Variants in CCNJL observed in about 807,000 individuals in gnomAD.
The protein encoded by CCNJL is cyclin J like, also known as cyclin-J-like protein.
CCNJL carries 33 observed loss-of-function variants against 33.4 expected under a neutral mutation model. The observed-to-expected ratio is 0.99, with a 90% confidence interval of 0.75 to 1.32. The LOEUF (loss-of-function observed/expected upper bound fraction) is 1.32, where lower values mean the gene tolerates loss of function less well. Ranked by LOEUF, CCNJL falls within the 40% of genes most tolerant of loss-of-function variation. The pLI is 0.00. For missense variants in CCNJL, 512 were observed against 499.7 expected (o/e 1.02, Z -0.23); for synonymous variants, 227 against 220.9 (o/e 1.03, Z -0.24).
chr5:160,272,242 C>T (rs1270030891), intron 3 of CCNJL, among the ~76,000 whole-genome samples: 1 of 152,222 alleles, frequency 6.6e-6, no homozygotes, highest in East Asian at 1.9e-4. Context: ...AAAGAAGCTG[C>T]TTTTCAGAAG....
intron 3 of CCNJL, among the ~76,000 whole-genome samples, chr5:160,275,620 G>T (rs947416075): frequency 6.6e-6 from 1 of 152,108 alleles, no homozygotes; most frequent in African/African-American, 2.4e-5. Context: ...AAGTAGCGGG[G>T]ACTACAAGCA....
intron 1 of CCNJL, among the ~76,000 whole-genome samples, chr5:160,331,399 T>C (rs1237341546): frequency 6.6e-6 from 1 of 151,938 alleles, no homozygotes; most frequent in Non-Finnish European, 1.5e-5. Flanking sequence ...AATTTTTTTG[T>C]ATTTTTAGTA....
rs566306423 is a variant in CCNJL at position 160,267,957 on chromosome 5, A to C, written c.281-8186T>G. Among the ~76,000 whole-genome samples the C allele has an allele frequency of 2.0e-5, 3 of 152,354 alleles. No individual in the cohort carries two copies. In the South Asian group the frequency reaches 6.2e-4, roughly 32 times the overall value. On this transcript the variant is annotated intron_variant, in intron 3 of 5. Transcript: ENST00000257536. Reference sequence around the variant, plus strand: ...TCCACTAAAGAGCTATATGATCAACAGGACTTAGTTTTTTCTTCCAATGAT... The same window carrying C: ...TCCACTAAAGAGCTATATGATCAACCGGACTTAGTTTTTTCTTCCAATGAT...
At chr5:160,272,570 G>A (rs1330142228) in intron 3 of CCNJL, among the ~76,000 whole-genome samples, 1 of 152,206 alleles carries the variant, frequency 6.6e-6, no homozygotes, top group Non-Finnish European at 1.5e-5. Flanking sequence ...GGGCCGGGAT[G>A]GAGAAGAGAC....
chr5:160,324,772 A>G (rs780823423), intron 1 of CCNJL, among the ~76,000 whole-genome samples: 8 of 152,130 alleles, frequency 5.3e-5, no homozygotes, highest in Non-Finnish European at 8.8e-5. Flanking sequence ...TGTCATATGT[A>G]TTTCTTCTTC....
intron 1 of CCNJL, among the ~76,000 whole-genome samples, chr5:160,323,723 G>A (rs928716417): frequency 3.9e-5 from 6 of 152,206 alleles, no homozygotes; most frequent in African/African-American, 1.4e-4. Flanking sequence ...ATCTGTGGGG[G>A]TTTCTACAGT....
intron 3 of CCNJL, among the ~76,000 whole-genome samples, chr5:160,278,926 G>C (rs1762112975): frequency 6.6e-6 from 1 of 152,218 alleles, no homozygotes; most frequent in Non-Finnish European, 1.5e-5. Flanking sequence ...GCTGAGACAG[G>C]CTGGACACCC....
At chr5:160,314,414 GA>G (rs1370335560), upstream of CCNJL, among the ~76,000 whole-genome samples, 3 of 152,180 alleles carry the variant, frequency 2.0e-5, no homozygotes, top group East Asian at 5.8e-4. Context: ...TAGGTTGGGG[GA>G]AAAAAGTAAA....
chr5:160,307,581 G>T (rs769234357), intron 2 of CCNJL, among the ~76,000 whole-genome samples: 9 of 152,130 alleles, frequency 5.9e-5, no homozygotes, highest in Non-Finnish European at 1.0e-4. Context: ...CACAGACTTG[G>T]TTACCAGAAA....
intron 1 of CCNJL, among the ~76,000 whole-genome samples, chr5:160,327,537 C>G (rs770216481): frequency 1.3e-5 from 2 of 152,220 alleles, no homozygotes; most frequent in Non-Finnish European, 2.9e-5. Flanking sequence ...GTAGCTGGAA[C>G]CAGTTTGGCT....
intron 2 of CCNJL, among the ~76,000 whole-genome samples, chr5:160,288,738 G>A (rs1580990057): frequency 6.6e-6 from 1 of 150,808 alleles, no homozygotes; most frequent in East Asian, 1.9e-4. Flanking sequence ...GCTGAGGCAG[G>A]AGAATGGCAT....
intron 3 of CCNJL, among the ~76,000 whole-genome samples, chr5:160,272,122 T>G (rs1019404509): frequency 1.3e-5 from 2 of 152,352 alleles, no homozygotes; most frequent in African/African-American, 4.8e-5. Context: ...TTCTCCAGGC[T>G]AGGAAGCAGC....
Position 160,280,663 on chromosome 5 carries a change from G to A in CCNJL, c.142C>T (p.Leu48=). The A allele has an allele frequency of 1.2e-6, 2 of 1,613,606 alleles. No homozygotes were observed. Among genetic ancestry groups the A allele is most frequent in the South Asian group, 2.2e-5 (2 of 91,086 alleles). The stretch of plus-strand genomic sequence containing the variant: ...CAGAGCTGGCAGTGGCTGCTCAGCA[G>A]GGTCAGGATGTCCACGAAGAACCGG... ...SRRFFVDILT[L]LSSHCQLCPA... Residue 48 remains leucine (L), a synonymous_variant, in exon 3 of 6, where the codon CTG becomes TTG. Coordinates refer to ENST00000257536, the MANE Select transcript of CCNJL (RefSeq NM_001308173.3).
intron 3 of CCNJL, among the ~76,000 whole-genome samples, chr5:160,274,025 A>G (rs1457454771): frequency 6.6e-6 from 1 of 152,192 alleles, no homozygotes; most frequent in African/African-American, 2.4e-5. Flanking sequence ...TTGTATATCC[A>G]TGGAACAATT....
chr5:160,315,455 C>T (rs1280875210), upstream of CCNJL: 4 of 448,074 alleles, frequency 8.9e-6, no homozygotes, highest in East Asian at 7.0e-5. Context: ...AGCAGTGAGC[C>T]GTGATTGTGC....
At chr5:160,264,992 C>T (rs1479687749) in intron 3 of CCNJL, among the ~76,000 whole-genome samples, 1 of 152,170 alleles carries the variant, frequency 6.6e-6, no homozygotes, top group Non-Finnish European at 1.5e-5. Context: ...AATGTTATTA[C>T]CCAGTGCCAA....
At chr5:160,257,657 G>GA (rs200034063) in intron 4 of CCNJL, among the ~76,000 whole-genome samples, 35 of 144,698 alleles carry the variant, frequency 2.4e-4, no homozygotes, top group African/African-American at 5.1e-4. Flanking sequence ...CCACAAAAAG[G>GA]AAAAAAAAAA....
chr5:160,323,558 C>G (rs973301949), intron 1 of CCNJL, among the ~76,000 whole-genome samples: 6 of 152,178 alleles, frequency 3.9e-5, no homozygotes, highest in Admixed American at 3.9e-4. Flanking sequence ...GATGAAAATC[C>G]TAAAAACATC....
rs1392162038 is a variant in CCNJL at position 160,283,433 on chromosome 5, T to C, written c.67-2695A>G. 5.9e-5 allele frequency among the ~76,000 whole-genome samples: 9 copies of C among 152,324 alleles called. No individual in the cohort carries two copies. The East Asian group carries it at 9.6e-4, about 16-fold the overall frequency. ...TGTCATTAGATAGTGGTGATGATTG[T>C]ATAGCTCTGTGAATACACAAACAAC... On this transcript the variant is annotated intron_variant, in intron 2 of 5. Coordinates refer to ENST00000257536, the MANE Select transcript of CCNJL (RefSeq NM_001308173.3).
Sources: allele counts gnomAD v4.1 joint callset (sites outside exome capture counted in the v4.1 genomes callset), GRCh38; gene constraint gnomAD v4.1.1; transcripts MANE v1.5; gene names NCBI Gene and HGNC (gene_info 2026-07-23, HGNC 2026-07-21).